WDR3: variants seen among roughly 807,000 people sequenced by gnomAD.
The protein encoded by WDR3 is WD repeat domain 3.
Under a neutral mutation model 123.7 loss-of-function variants are expected in WDR3, and 81 were observed. The observed-to-expected ratio is 0.65, with a 90% CI of 0.55 to 0.79. WDR3 has a LOEUF of 0.79. WDR3 is among the 30% of genes least tolerant of loss of function. WDR3 has a pLI of 0.00. For missense variants in WDR3, 1,027 were observed against 1,123.2 expected (o/e 0.91, Z 1.22); for synonymous variants, 390 against 388.8 (o/e 1.00, Z -0.04).
In WDR3 at chr1:117,965,790, T is replaced by A. The variant is rs1260508474; in HGVS notation, c.*6343T>A. Reference sequence around the variant, plus strand: ...CAGTGGTTCACTGCTGCTTAAATAATAAAATTCAAGCCAAGGATTTAAGAT... The same window carrying A: ...CAGTGGTTCACTGCTGCTTAAATAAAAAAATTCAAGCCAAGGATTTAAGAT... On this transcript the variant is annotated 3_prime_UTR_variant, in exon 27 of 27. Coordinates refer to ENST00000349139, the MANE Select transcript of WDR3 (RefSeq NM_006784.3). 6.6e-6 allele frequency: 1 copy of A among 152,202 alleles called. No individual in the cohort carries two copies. The highest frequency in any genetic ancestry group is 1.5e-5 in the Non-Finnish European group (1 of 68,042). 9.4% of individuals were successfully genotyped at this position (152,202 alleles called of 1,614,324 possible).
chr1:117,957,186 T>C lies in WDR3; in HGVS notation c.2572T>C (p.Phe858Leu), dbSNP rs772971454. ...DVELICRCLF[F>L]LLRIHFGQIT... is the part of the protein sequence containing the mutation. The stretch of plus-strand genomic sequence containing the variant: ...TGAACTTATATGCCGGTGCCTCTTC[T>C]TCCTCCTTAGGTAACATCCTTTTCC... Residue 858 changes from phenylalanine (F) to leucine (L), a missense_variant, in exon 25 of 27, where the codon TTC (phenylalanine) becomes CTC (leucine). Physicochemically the swap from Phe to Leu is conservative, Grantham distance 22. Coordinates refer to ENST00000349139, the MANE Select transcript of WDR3 (RefSeq NM_006784.3). 9 of 1,611,596 alleles carry C rather than the reference T, an allele frequency of 5.6e-6. No homozygotes were observed. In the African/African-American group the frequency reaches 8.0e-5, roughly 14 times the overall value.
rs368025783 is a variant in WDR3, at chr1:117,934,525, C to A, written c.224C>A (p.Pro75Gln). 6.2e-7 allele frequency: 1 copy of A among 1,614,174 alleles called. No homozygotes were observed. Among genetic ancestry groups the A allele is most frequent in the Non-Finnish European group, 8.5e-7 (1 of 1,180,018 alleles). The stretch of plus-strand genomic sequence containing the variant: ...GAAGTTACTTGCTTATGCCCCTCCC[C>A]AGATGGGCTACACTTAGCTGTTGGG... ...KQEVTCLCPS[P>Q]DGLHLAVGYE... Residue 75 changes from proline (P) to glutamine (Q), a missense_variant, in exon 3 of 27, where the codon CCA (proline) becomes CAA (glutamine). Coordinates refer to ENST00000349139, the MANE Select transcript of WDR3 (RefSeq NM_006784.3).
chr1:117,941,821 G>T lies in WDR3; in HGVS notation c.963G>T (p.Lys321Asn). 1 of 1,610,514 alleles carries T rather than the reference G, an allele frequency of 6.2e-7. No homozygotes were observed. Among genetic ancestry groups the T allele is most frequent in the African/African-American group, 1.3e-5 (1 of 74,766 alleles). The change falls in exon 9 of 27, where the codon AAG becomes AAT. Residue 321 changes from lysine (K) to asparagine (N), a missense_variant. By Grantham distance (94) the Lys-to-Asn change is moderately conservative. Transcript: ENST00000349139. ...AAATTCAGAAGAAAATGGATAAGAAGATGAAGAAAGCTAGAAAGAAAGCAA... is the reference window on the plus strand; with the variant it reads ...AAATTCAGAAGAAAATGGATAAGAATATGAAGAAAGCTAGAAAGAAAGCAA... ...KKEIQKKMDK[K>N]MKKARKKAKL...
At chr1:117,946,280 G>T in intron 12 of WDR3, 101 bp downstream of exon 12, 1 of 813,446 alleles carries the variant, frequency 1.2e-6, no homozygotes, top group East Asian at 2.8e-5. Flanking sequence ...AAATGGACTG[G>T]AGCTAAGTAA....
At chr1:117,957,975 T>C (rs1005543674) in intron 25 of WDR3, among the ~76,000 whole-genome samples, 1 of 152,240 alleles carries the variant, frequency 6.6e-6, no homozygotes, top group Non-Finnish European at 1.5e-5. Flanking sequence ...TTCTTACTTA[T>C]GAAGATTCTG....
In WDR3 at chr1:117,933,357, G is replaced by A. The variant is rs201871148; in HGVS notation, c.38G>A (p.Ser13Asn). ...LTKQYLRYVA[S>N]AVFGVIGSQK... ...AAGCAGTACCTACGCTATGTTGCTAGTGCGGTCTTTGGCGTTATCGGCAGC... is the reference window on the plus strand; with the variant it reads ...AAGCAGTACCTACGCTATGTTGCTAATGCGGTCTTTGGCGTTATCGGCAGC... Residue 13 changes from serine to asparagine, a missense_variant, in exon 2 of 27, where the codon AGT becomes AAT. Coordinates refer to ENST00000349139, the MANE Select transcript of WDR3 (RefSeq NM_006784.3). The A allele has an allele frequency of 6.2e-7, 1 of 1,614,198 alleles. No individual in the cohort carries two copies. Among genetic ancestry groups the A allele is most frequent in the East Asian group, 2.2e-5 (1 of 44,886 alleles).
chr1:117,935,841 A>G (rs1425819771), intron 3 of WDR3, among the ~76,000 whole-genome samples: 3 of 151,944 alleles, frequency 2.0e-5, no homozygotes, highest in Non-Finnish European at 4.4e-5. Context: ...AAGTCAGAGG[A>G]CACTGAAAAA....
rs775375993 is a variant in WDR3 at position 117,940,936 on chromosome 1, A to C, written c.785A>C (p.Glu262Ala). ...GCCTTTGAGACGGATGAAGCCCCTG[A>C]GGATGTAATTCATTTTCATTTCTTA... ...DGAFETDEAP[E>A]DRILSCRKAG... Residue 262 changes from glutamate (E) to alanine (A), a missense_variant, in exon 7 of 27, where the codon GAG becomes GCG. By Grantham distance (107) the Glu-to-Ala change is moderately radical. Transcript: ENST00000349139. 2 of 1,607,680 alleles carry C rather than the reference A, an allele frequency of 1.2e-6. No individual in the cohort carries two copies. Among genetic ancestry groups the C allele is most frequent in the East Asian group, 4.5e-5 (2 of 44,864 alleles).
intron 6 of WDR3, among the ~76,000 whole-genome samples, chr1:117,939,812 C>T (rs1189388832): frequency 2.0e-5 from 3 of 152,190 alleles, no homozygotes; most frequent in Admixed American, 1.3e-4. Context: ...GTTTGTGGCA[C>T]TCTTAATCAG....
At chr1:117,940,751 A>C (rs78691473) in intron 6 of WDR3, 76 bp from the exon 7 acceptor site, 3 of 1,311,444 alleles carry the variant, frequency 2.3e-6, no homozygotes, top group African/African-American at 1.5e-5. Flanking sequence ...AACAACAACA[A>C]AACAACAACA....
In WDR3 at chr1:117,950,906, AG is replaced by A. The variant is rs755280279; in HGVS notation, c.1803+17del. On this transcript the variant is annotated intron_variant, in intron 16 of 26. Coordinates refer to ENST00000349139, the MANE Select transcript of WDR3 (RefSeq NM_006784.3). Reference sequence around the variant, plus strand: ...CATCTCTCATGTAAGTAGTTTAAATAGTGTCTCAGTAATATGTTGTCTTTTT... The same window carrying A: ...CATCTCTCATGTAAGTAGTTTAAATATGTCTCAGTAATATGTTGTCTTTTT... The A allele has an allele frequency of 6.3e-7, 1 of 1,598,866 alleles. No individual in the cohort carries two copies. The highest frequency in any genetic ancestry group is 1.1e-5 in the South Asian group (1 of 88,512).
chr1:117,951,973 T>A lies in WDR3; in HGVS notation c.1804-3T>A. The A allele has an allele frequency of 6.2e-7, 1 of 1,609,342 alleles. No homozygotes were observed. ...GGTAGTGTTTTACTTTTATTTCTCA[T>A]AGGATGGAGCACTCATAGCAACTGG... On this transcript the variant is annotated splice_region_variant and splice_polypyrimidine_tract_variant and intron_variant, in intron 16 of 26. Coordinates refer to ENST00000349139, the MANE Select transcript of WDR3 (RefSeq NM_006784.3).
chr1:117,932,801 C>A (rs1458176547), intron 1 of WDR3, among the ~76,000 whole-genome samples: 1 of 152,012 alleles, frequency 6.6e-6, no homozygotes, highest in African/African-American at 2.4e-5. Flanking sequence ...TGAGTCAACA[C>A]TGAATAAAAA....
In WDR3 at chr1:117,963,783, T is replaced by C. The variant is rs1653437504; in HGVS notation, c.*4336T>C. 1 of 1,595,592 alleles carries C rather than the reference T, an allele frequency of 6.3e-7. No individual in the cohort carries two copies. Among genetic ancestry groups the C allele is most frequent in the Non-Finnish European group, 8.5e-7 (1 of 1,169,982 alleles). On this transcript the variant is annotated 3_prime_UTR_variant, in exon 27 of 27. Transcript: ENST00000349139. Reference sequence around the variant, plus strand: ...GAATGCTTGACAATCAAATTCCCATTTATTACTTACTGTACCTAATGTGGA... The same window carrying C: ...GAATGCTTGACAATCAAATTCCCATCTATTACTTACTGTACCTAATGTGGA...
intron 1 of WDR3, among the ~76,000 whole-genome samples, chr1:117,932,067 T>A (rs1650751248): frequency 6.6e-6 from 1 of 152,218 alleles, no homozygotes; most frequent in African/African-American, 2.4e-5. Context: ...GTTGCATGGG[T>A]GTTTTTTGGG....
chr1:117,936,739 T>C (rs750841151), intron 3 of WDR3, 30 bp from the exon 4 acceptor site: 5 of 1,534,940 alleles, frequency 3.3e-6, no homozygotes, highest in Non-Finnish European at 4.4e-6. Context: ...AAGAAAATTA[T>C]TTTTCATCTG....
chr1:117,946,203 T>A (rs760593549), intron 12 of WDR3, 24 bp downstream of exon 12: 2 of 1,567,064 alleles, frequency 1.3e-6, no homozygotes, highest in Non-Finnish European at 1.7e-6. Context: ...TTTTCTGGGA[T>A]ATCTGGATCT....
intron 12 of WDR3, among the ~76,000 whole-genome samples, chr1:117,946,663 C>T (rs925955476): frequency 6.6e-6 from 1 of 151,878 alleles, no homozygotes; most frequent in African/African-American, 2.4e-5. Flanking sequence ...TAATTTGGGC[C>T]GGGCGCAGTG....
chr1:117,940,787 A>G (rs1009994486), intron 6 of WDR3, 40 bp from the exon 7 acceptor site: 5 of 1,530,886 alleles, frequency 3.3e-6, no homozygotes, highest in Admixed American at 3.7e-5. Context: ...CTCCTGGAAC[A>G]TACTATTTCA....
Sources: allele counts gnomAD v4.1 joint callset (sites outside exome capture counted in the v4.1 genomes callset), GRCh38; gene constraint gnomAD v4.1.1; transcripts MANE v1.5; gene names NCBI Gene and HGNC (gene_info 2026-07-23, HGNC 2026-07-21).